Variants in ECT2L observed in about 807,000 individuals in gnomAD.
The protein encoded by ECT2L is epithelial cell-transforming sequence 2 oncogene-like.
Under a neutral mutation model 122.8 loss-of-function variants are expected in ECT2L, and 126 were observed. The observed-to-expected ratio is 1.03, with a 90% CI of 0.89 to 1.19. The LOEUF is 1.19. ECT2L is among the 50% of genes most tolerant of loss of function. The probability of loss-of-function intolerance (pLI) is 0.00; values close to 1 mark genes in which losing one functional copy is unlikely to be tolerated. For missense variants in ECT2L, 1,012 were observed against 1,064.1 expected, an observed-to-expected ratio of 0.95 and a Z score of 0.68; for synonymous variants, 385 against 381.8, an observed-to-expected ratio of 1.01 and a Z score of -0.10.
Position 138,819,906 on chromosome 6 carries a change from C to T in ECT2L, c.179+5303C>T, listed in dbSNP as rs1776217030. 3.3e-5 allele frequency among the ~76,000 whole-genome samples: 5 copies of T among 151,652 alleles called. No homozygotes were observed. The South Asian group carries it at 1.0e-3, about 32-fold the overall frequency. ...CATGTACCAAAAAAAAAACAAAAAA[C>T]AAAAAACCAAGTGTTAGAATATAGG... On this transcript the variant is annotated intron_variant, in intron 4 of 21. Coordinates refer to ENST00000541398, the MANE Select transcript of ECT2L (RefSeq NM_001077706.3).
chr6:138,831,706 A>G (rs1207088551), intron 4 of ECT2L, among the ~76,000 whole-genome samples: 1 of 152,196 alleles, frequency 6.6e-6, no homozygotes, highest in East Asian at 1.9e-4. Flanking sequence ...GGCTCCATAA[A>G]GGCAGGAATT....
At chr6:138,888,907 T>G (rs778083175) in intron 19 of ECT2L, 36 bp from the exon 20 acceptor site, 1 of 1,170,078 alleles carries the variant, frequency 8.5e-7, no homozygotes, top group South Asian at 2.3e-5. Context: ...TTAAAAAAAT[T>G]TATATGTACT....
intron 4 of ECT2L, among the ~76,000 whole-genome samples, chr6:138,829,899 T>C (rs1031484508): frequency 2.6e-5 from 4 of 152,150 alleles, no homozygotes; most frequent in Non-Finnish European, 5.9e-5. Flanking sequence ...ATTTTTTGTA[T>C]TTTTAGTAGA....
intron 1 of ECT2L, among the ~76,000 whole-genome samples, chr6:138,810,823 G>A (rs187047576): frequency 2.5e-3 from 380 of 152,320 alleles, no homozygotes; most frequent in Non-Finnish European, 4.2e-3. Flanking sequence ...ATCAAAGGGA[G>A]CTATACCTGT....
chr6:138,817,423 T>A (rs1776107091), intron 4 of ECT2L, among the ~76,000 whole-genome samples: 1 of 152,216 alleles, frequency 6.6e-6, no homozygotes, highest in South Asian at 2.1e-4. Context: ...TGAAAGAAAT[T>A]AGTATTATTT....
chr6:138,823,419 A>G, intron 4 of ECT2L: 1 of 1,609,050 alleles, frequency 6.2e-7, no homozygotes, highest in Non-Finnish European at 8.5e-7. Context: ...TATCACGGCA[A>G]GGACACTCAT....
At chr6:138,812,379 C>A (rs930997292) in intron 1 of ECT2L, among the ~76,000 whole-genome samples, 1 of 152,232 alleles carries the variant, frequency 6.6e-6, no homozygotes, top group Non-Finnish European at 1.5e-5. Context: ...TTGTTTTAAG[C>A]TGAAAAATGC....
At chr6:138,900,713 G>T (rs1188873) in intron 20 of ECT2L, among the ~76,000 whole-genome samples, 122,544 of 152,098 alleles carry the variant, frequency 0.81, 49,551 homozygotes, top group African/African-American at 0.86. Context: ...ATGGACAAAC[G>T]CAAAGCACTC....
chr6:138,889,690 G>A (rs1279262981), intron 20 of ECT2L, among the ~76,000 whole-genome samples: 2 of 152,186 alleles, frequency 1.3e-5, no homozygotes, highest in Non-Finnish European at 2.9e-5. Flanking sequence ...ATGTAAGAAA[G>A]AGAGGACCAA....
At chr6:138,815,429 A>G (rs894533841) in intron 4 of ECT2L, among the ~76,000 whole-genome samples, 8 of 152,226 alleles carry the variant, frequency 5.3e-5, no homozygotes, top group African/African-American at 1.9e-4. Context: ...GTGGTTGAAG[A>G]ATCCAGCCAG....
chr6:138,813,348 A>G lies in ECT2L; in HGVS notation c.66+8A>G, dbSNP rs377461352. 68 of 1,603,592 alleles carry G rather than the reference A, an allele frequency of 4.2e-5. No homozygotes were observed. Among genetic ancestry groups the G allele is most frequent in the Non-Finnish European group, 5.1e-5 (60 of 1,174,570 alleles). ...AAGTCATTAAATAGACAGGTAAGTT[A>G]CATACTTTAAAACAGAACAAGTTTA... is the stretch of plus-strand genomic sequence containing the variant. On this transcript the variant is annotated splice_region_variant and intron_variant, in intron 3 of 21. Coordinates refer to ENST00000541398, the MANE Select transcript of ECT2L (RefSeq NM_001077706.3).
intron 14 of ECT2L, among the ~76,000 whole-genome samples, chr6:138,879,985 C>T (rs1002111217): frequency 6.6e-6 from 1 of 151,836 alleles, no homozygotes; most frequent in East Asian, 1.9e-4. Flanking sequence ...TAAATAAATA[C>T]ACAAAACAAC....
chr6:138,888,471 T>C (rs907077116), intron 19 of ECT2L, among the ~76,000 whole-genome samples: 4 of 103,044 alleles, frequency 3.9e-5, no homozygotes, highest in Admixed American at 1.1e-4. Flanking sequence ...CCACCACACC[T>C]GGCTAATTTT....
intron 20 of ECT2L, among the ~76,000 whole-genome samples, chr6:138,892,358 C>G (rs552984659): frequency 6.6e-6 from 1 of 152,302 alleles, no homozygotes; most frequent in African/African-American, 2.4e-5. Context: ...ACGTTGTCTA[C>G]TTTTTCCATT....
intron 1 of ECT2L, 121 bp downstream of exon 1, chr6:138,796,313 C>A (rs1409281932): frequency 6.6e-6 from 1 of 152,208 alleles, no homozygotes; most frequent in Non-Finnish European, 1.5e-5. Flanking sequence ...CGCTGAGGGG[C>A]GCAGGGCCCT....
At chr6:138,887,049 G>C in intron 19 of ECT2L, 127 bp downstream of exon 19, 3 of 741,340 alleles carry the variant, frequency 4.0e-6, no homozygotes, top group Non-Finnish European at 7.0e-6. Context: ...GCCAGGCACT[G>C]CCATGCTCTC....
intron 4 of ECT2L, among the ~76,000 whole-genome samples, chr6:138,825,983 G>A (rs1776434826): frequency 6.6e-6 from 1 of 152,114 alleles, no homozygotes; most frequent in African/African-American, 2.4e-5. Flanking sequence ...CACAATAAAT[G>A]CATTACAGTC....
At position 138,838,077 on chromosome 6, in the gene ECT2L, T is replaced by C; in HGVS notation, c.180-275T>C. Among the ~76,000 whole-genome samples, 2 of 152,104 alleles carry C rather than the reference T, an allele frequency of 1.3e-5. 1 individual carries two copies. The highest frequency in any genetic ancestry group is 2.9e-5 in the Non-Finnish European group (2 of 68,020). ...CACCATACTCAGCTAATGTTTTGTA[T>C]TTTTAGTAGAGACAGAGTTTTGCCA... On this transcript the variant is annotated intron_variant, in intron 4 of 21. Coordinates refer to ENST00000541398, the MANE Select transcript of ECT2L (RefSeq NM_001077706.3).
intron 1 of ECT2L, among the ~76,000 whole-genome samples, chr6:138,806,100 G>A (rs552885176): frequency 1.3e-5 from 2 of 152,172 alleles, no homozygotes; most frequent in Admixed American, 6.5e-5. Context: ...TGTGATCTCC[G>A]TCAGGTCCAG....
Sources: allele counts gnomAD v4.1 joint callset (sites outside exome capture counted in the v4.1 genomes callset), GRCh38; gene constraint gnomAD v4.1.1; transcripts MANE v1.5; gene names NCBI Gene and HGNC (gene_info 2026-07-23, HGNC 2026-07-21).